Variants in NSUN7 observed in about 807,000 individuals in gnomAD.
The protein encoded by NSUN7 is protein NSUN7.
Under a neutral mutation model 58.5 loss-of-function variants are expected in NSUN7, and 39 were observed. That is an observed-to-expected ratio of 0.67 (90% CI 0.52 to 0.87). The LOEUF (loss-of-function observed/expected upper bound fraction) is 0.87. Ranked by LOEUF, NSUN7 falls within the 40% of genes least tolerant of loss-of-function variation. The pLI is 0.00. For missense variants in NSUN7, 765 were observed against 844.1 expected (o/e 0.91, Z 1.16); for synonymous variants, 278 against 303.7 (o/e 0.92, Z 0.88).
intron 2 of NSUN7, among the ~76,000 whole-genome samples, chr4:40,758,091 T>C (rs1741266374): frequency 6.6e-6 from 1 of 152,144 alleles, no homozygotes; most frequent in Non-Finnish European, 1.5e-5. Context: ...GATAATTTTT[T>C]GTATTTTTAG....
At chr4:40,780,285 TCAATCAA>T (rs1742466992) in intron 7 of NSUN7, among the ~76,000 whole-genome samples, 3 of 151,600 alleles carry the variant, frequency 2.0e-5, no homozygotes, top group Non-Finnish European at 2.9e-5. Context: ...GTCTCATAAA[TCAATCAA>T]TCAATCAATC....
intron 4 of NSUN7, among the ~76,000 whole-genome samples, chr4:40,765,592 A>C (rs1283166381): frequency 3.9e-5 from 6 of 152,048 alleles, no homozygotes; most frequent in Non-Finnish European, 8.8e-5. Context: ...ATGAACTTTA[A>C]AGTAGTTTTT....
In NSUN7 at chr4:40,792,480, G is replaced by C. The variant is rs184466945; in HGVS notation, c.1180+1735G>C. 6.5e-4 allele frequency among the ~76,000 whole-genome samples: 99 copies of C among 152,292 alleles called. 1 individual carries two copies. The East Asian group carries it at 0.015, about 24-fold the overall frequency. On this transcript the variant is annotated intron_variant, in intron 8 of 11. Transcript: ENST00000381782. ...AAGTTGTCGTATACTGGCCGGGAGC[G>C]GTGGCTCACGCCTGTAATCCCAGCA...
chr4:40,808,581 C>A lies in NSUN7; in HGVS notation c.1799C>A (p.Ser600Tyr), dbSNP rs777746584. The change falls in exon 12 of 12, where the codon TCC becomes TAC. Residue 600 changes from serine to tyrosine, a missense_variant. By Grantham distance (144) the Ser-to-Tyr change is moderately radical (BLOSUM62 -2). Coordinates refer to ENST00000381782, the MANE Select transcript of NSUN7 (RefSeq NM_024677.6). The part of the protein sequence containing the change: ...PQKNTAQVGA[S>Y]SQTRKPNKLA... Reference sequence around the variant, plus strand: ...AAAAATACTGCTCAAGTGGGGGCTTCCTCACAGACCAGAAAACCCAACAAG... The same window carrying A: ...AAAAATACTGCTCAAGTGGGGGCTTACTCACAGACCAGAAAACCCAACAAG... 2 of 1,551,628 alleles carry A rather than the reference C, an allele frequency of 1.3e-6. No individual in the cohort carries two copies. Among genetic ancestry groups the A allele is most frequent in the South Asian group, 2.4e-5 (2 of 84,036 alleles).
rs1560563936 is a variant in NSUN7, at chr4:40,799,088, T to TTTTTG, written c.1400+188_1400+189insGTTTT. Among the ~76,000 whole-genome samples, 35 of 140,812 alleles carry TTTTTG rather than the reference T, an allele frequency of 2.5e-4. 2 individuals carry two copies. The highest frequency in any genetic ancestry group is 9.0e-4 in the African/African-American group (34 of 37,582). The allele number at this position is 140,812 out of a possible 152,430, so 92.4% of individuals were successfully genotyped here. On this transcript the variant is annotated intron_variant, in intron 10 of 11. Transcript: ENST00000381782. ...GGGCCTTTTTCTTTTTTTTTTTTTTTTTTTTTTTTTTTTTAAAGATGGAAT... is the reference window on the plus strand; with the variant it reads ...GGGCCTTTTTCTTTTTTTTTTTTTTTTTTTGTTTTTTTTTTTTTTAAAGATGGAAT...
At chr4:40,801,702 A>G (rs1005353019) in intron 10 of NSUN7, among the ~76,000 whole-genome samples, 2 of 152,032 alleles carry the variant, frequency 1.3e-5, no homozygotes, top group African/African-American at 4.8e-5. Flanking sequence ...TTTCAAGACC[A>G]GCCTGGGCAA....
chr4:40,758,261 A>T (rs1214939240), intron 2 of NSUN7, among the ~76,000 whole-genome samples: 1 of 152,106 alleles, frequency 6.6e-6, no homozygotes, highest in Non-Finnish European at 1.5e-5. Flanking sequence ...TCCACTGCTC[A>T]AAGAGGTCTG....
chr4:40,803,658 C>G (rs1743699175), intron 10 of NSUN7, among the ~76,000 whole-genome samples: 1 of 152,154 alleles, frequency 6.6e-6, no homozygotes, highest in African/African-American at 2.4e-5. Flanking sequence ...ATGCAATTCA[C>G]CATTTTAAAG....
At chr4:40,750,444 CTT>C (rs145071809) in intron 1 of NSUN7, 144 bp downstream of exon 1, 39,383 of 268,574 alleles carry the variant, frequency 0.15, 1,495 homozygotes, top group Non-Finnish European at 0.16. Context: ...CCCCTCCTCG[CTT>C]TTTTTTTTTT....
At chr4:40,797,541 C>T (rs1743374161) in intron 9 of NSUN7, among the ~76,000 whole-genome samples, 1 of 152,118 alleles carries the variant, frequency 6.6e-6, no homozygotes, top group African/African-American at 2.4e-5. Flanking sequence ...TTAGCATTAT[C>T]CATGATTTCT....
intron 7 of NSUN7, among the ~76,000 whole-genome samples, chr4:40,782,925 A>T (rs1464517273): frequency 6.6e-6 from 1 of 152,220 alleles, no homozygotes; most frequent in Non-Finnish European, 1.5e-5. Flanking sequence ...TTCCACGTTT[A>T]AGGATCAGAA....
At chr4:40,804,708 C>A (rs1195099717) in intron 10 of NSUN7, among the ~76,000 whole-genome samples, 2 of 152,046 alleles carry the variant, frequency 1.3e-5, no homozygotes, top group Non-Finnish European at 2.9e-5. Flanking sequence ...CATGAGAGGT[C>A]TTAGTGTGCA....
intron 4 of NSUN7, among the ~76,000 whole-genome samples, chr4:40,770,253 A>G (rs1264518409): frequency 6.6e-6 from 1 of 151,934 alleles, no homozygotes; most frequent in Non-Finnish European, 1.5e-5. Context: ...AGTGTCACTT[A>G]ATGATGGGGA....
intron 2 of NSUN7, among the ~76,000 whole-genome samples, chr4:40,757,733 C>T (rs1175473681): frequency 4.9e-4 from 71 of 146,062 alleles, no homozygotes; most frequent in Admixed American, 1.2e-3. Context: ...TATACACACA[C>T]ACACACACAC....
At chr4:40,790,064 CTTTTTTTT>C (rs60071501) in intron 7 of NSUN7, among the ~76,000 whole-genome samples, 1 of 121,586 alleles carries the variant, frequency 8.2e-6, no homozygotes, top group Non-Finnish European at 1.7e-5. Flanking sequence ...CCTCCCCCAC[CTTTTTTTT>C]TTTTTTTTTT....
intron 9 of NSUN7, 71 bp from the exon 10 acceptor site, chr4:40,798,716 T>C (rs1743425426): frequency 1.2e-6 from 1 of 855,896 alleles, no homozygotes; most frequent in African/African-American, 1.7e-5. Context: ...AATAGATGTT[T>C]GGAAACATAG....
chr4:40,753,603 T>G (rs1407098352), intron 2 of NSUN7, among the ~76,000 whole-genome samples: 1 of 152,194 alleles, frequency 6.6e-6, no homozygotes, highest in Non-Finnish European at 1.5e-5. Context: ...TTATGAAACT[T>G]CTTTTCTTGA....
intron 2 of NSUN7, among the ~76,000 whole-genome samples, chr4:40,755,246 C>T (rs1243699050): frequency 3.3e-5 from 5 of 152,112 alleles, no homozygotes; most frequent in African/African-American, 9.7e-5. Context: ...CATGCCATCA[C>T]GCCCGGCTAA....
intron 4 of NSUN7, among the ~76,000 whole-genome samples, chr4:40,773,682 CA>C (rs748446945): frequency 0.02 from 2,351 of 115,870 alleles, 30 homozygotes; most frequent in African/African-American, 0.054. Flanking sequence ...GACTCTATCT[CA>C]AAAAAAAAAA....
Sources: gnomAD v4.1 joint callset for allele counts (sites outside exome capture counted in the v4.1 genomes callset) on GRCh38, gnomAD v4.1.1 for gene constraint, MANE v1.5 for transcripts, NCBI Gene and HGNC (gene_info 2026-07-23, HGNC 2026-07-21) for gene names.